Variants in VWA8 observed in about 807,000 individuals in gnomAD.
The protein encoded by VWA8 is von Willebrand factor A domain-containing protein 8.
A neutral mutation model predicts 241.5 loss-of-function variants in VWA8; 221 were observed. That is an observed-to-expected ratio of 0.91 (90% CI 0.82 to 1.02). VWA8 has a LOEUF of 1.02. VWA8 is among the 50% of genes least tolerant of loss of function. The probability of loss-of-function intolerance (pLI) is 0.00; values close to 1 mark genes in which losing one functional copy is unlikely to be tolerated. For missense variants in VWA8, 2,322 were observed against 2,328.7 expected, an observed-to-expected ratio of 1.00 and a Z score of 0.06; for synonymous variants, 852 against 827.1, an observed-to-expected ratio of 1.03 and a Z score of -0.52.
intron 26 of VWA8, among the ~76,000 whole-genome samples, chr13:41,711,109 A>C (rs1825800896): frequency 6.6e-6 from 1 of 152,206 alleles, no homozygotes; most frequent in South Asian, 2.1e-4. Context: ...CACAAATGAA[A>C]ACACAATCTC....
intron 5 of VWA8, 73 bp downstream of exon 5, chr13:41,891,347 T>C (rs1874831167): frequency 4.5e-6 from 7 of 1,563,746 alleles, no homozygotes; most frequent in Middle Eastern, 1.7e-4. Context: ...AACAGAGCCA[T>C]GTCTTACACA....
chr13:41,813,170 A>T (rs949872833), intron 16 of VWA8, among the ~76,000 whole-genome samples: 10 of 152,188 alleles, frequency 6.6e-5, no homozygotes, highest in Admixed American at 3.3e-4. Context: ...TAAAGTCGTA[A>T]CATGATTTTC....
intron 16 of VWA8, among the ~76,000 whole-genome samples, chr13:41,815,711 C>T (rs1018693140): frequency 2.6e-5 from 4 of 152,158 alleles, no homozygotes; most frequent in Non-Finnish European, 5.9e-5. Context: ...AAATAAATTT[C>T]TATTATCTTA....
At chr13:41,906,429 T>C (rs1875722193) in intron 4 of VWA8, among the ~76,000 whole-genome samples, 2 of 152,146 alleles carry the variant, frequency 1.3e-5, no homozygotes, top group African/African-American at 4.8e-5. Flanking sequence ...TTTCTTGTCT[T>C]CTTTTTACCA....
chr13:41,939,870 T>C (rs189207495), intron 2 of VWA8, among the ~76,000 whole-genome samples: 32 of 152,342 alleles, frequency 2.1e-4, no homozygotes, highest in African/African-American at 7.2e-4. Context: ...TGTAAGATAA[T>C]AGTGATTCTC....
intron 9 of VWA8, among the ~76,000 whole-genome samples, chr13:41,871,308 T>A (rs1319709557): frequency 6.6e-6 from 1 of 152,224 alleles, no homozygotes; most frequent in Non-Finnish European, 1.5e-5. Flanking sequence ...TTTATTTTTT[T>A]AAATTTATTA....
At chr13:41,738,760 C>T (rs1229095704) in intron 21 of VWA8, among the ~76,000 whole-genome samples, 2 of 152,076 alleles carry the variant, frequency 1.3e-5, no homozygotes, top group South Asian at 2.1e-4. Flanking sequence ...AGACAGTGTG[C>T]AGGTCCCTTA....
At chr13:41,812,928 G>T (rs1870536000) in intron 16 of VWA8, among the ~76,000 whole-genome samples, 2 of 152,100 alleles carry the variant, frequency 1.3e-5, no homozygotes, top group South Asian at 4.1e-4. Flanking sequence ...TAAAATAAGT[G>T]GAACAGTAGA....
At chr13:41,685,285 T>C (rs1593696018) in intron 34 of VWA8, 43 bp from the exon 35 acceptor site, 1 of 1,558,416 alleles carries the variant, frequency 6.4e-7, no homozygotes, top group Non-Finnish European at 8.7e-7. Context: ...TACCATATAC[T>C]ACATTCACCA....
At chr13:41,617,211 C>G (rs1307694371) in intron 37 of VWA8, among the ~76,000 whole-genome samples, 1 of 152,054 alleles carries the variant, frequency 6.6e-6, no homozygotes, top group Non-Finnish European at 1.5e-5. Context: ...CTCCACCTTC[C>G]AGGTTCAAAC....
chr13:41,790,939 C>G (rs1359241997), intron 17 of VWA8, among the ~76,000 whole-genome samples: 1 of 150,954 alleles, frequency 6.6e-6, no homozygotes. Context: ...ATTACATTAA[C>G]AAAAAAAAGC....
At position 41,865,806 on chromosome 13, in the gene VWA8, C is replaced by T; in HGVS notation, c.1355G>A (p.Gly452Glu). Residue 452 changes from glycine (G) to glutamate (E), a missense_variant, in exon 12 of 45, where the codon GGA (glycine) becomes GAA (glutamate). Transcript: ENST00000379310. ...AAAGTTCTTAGCGATCACTGTTTTT[C>T]CACAACCCTACAAATGGAAAAAATT... is the stretch of plus-strand genomic sequence containing the variant. Reference protein sequence around the residue: ...DICLIGGKGCGKTVIAKNFAD... With the variant: ...DICLIGGKGCEKTVIAKNFAD... 1 of 1,614,088 alleles carries T rather than the reference C, an allele frequency of 6.2e-7. No homozygotes were observed. Among genetic ancestry groups the T allele is most frequent in the Non-Finnish European group, 8.5e-7 (1 of 1,180,012 alleles).
intron 43 of VWA8, among the ~76,000 whole-genome samples, chr13:41,573,778 C>T (rs914643218): frequency 3.3e-5 from 5 of 151,232 alleles, no homozygotes; most frequent in East Asian, 2.0e-4. Context: ...CCACCATGCC[C>T]AGCTAATTTT....
At chr13:41,709,071 T>C (rs183137716) in intron 26 of VWA8, among the ~76,000 whole-genome samples, 2 of 152,354 alleles carry the variant, frequency 1.3e-5, no homozygotes, top group Admixed American at 6.5e-5. Context: ...ACTGAAACTC[T>C]CCCAGTTGTT....
intron 24 of VWA8, among the ~76,000 whole-genome samples, chr13:41,725,509 G>A (rs2045425722): frequency 3.3e-5 from 5 of 152,198 alleles, no homozygotes; most frequent in Admixed American, 3.3e-4. Flanking sequence ...AGGCCAGAGA[G>A]TGGGAAGGGT....
At chr13:41,862,466 G>A (rs931887801) in intron 12 of VWA8, among the ~76,000 whole-genome samples, 1 of 152,154 alleles carries the variant, frequency 6.6e-6, no homozygotes, top group Non-Finnish European at 1.5e-5. Context: ...AAACCAAAAA[G>A]CTTCTGTACA....
chr13:41,745,558 G>A (rs1054878223), intron 21 of VWA8, among the ~76,000 whole-genome samples: 1 of 152,210 alleles, frequency 6.6e-6, no homozygotes, highest in Non-Finnish European at 1.5e-5. Context: ...GATATGAACA[G>A]ACACTTCTCA....
chr13:41,901,129 T>TA (rs58092544), intron 4 of VWA8, among the ~76,000 whole-genome samples: 12 of 149,324 alleles, frequency 8.0e-5, no homozygotes, highest in Admixed American at 2.7e-4. Context: ...TTTTTTTTTT[T>TA]ACAAGCAGAG....
At chr13:41,866,741 C>T (rs1161196875) in intron 10 of VWA8, among the ~76,000 whole-genome samples, 1 of 152,086 alleles carries the variant, frequency 6.6e-6, no homozygotes, top group Non-Finnish European at 1.5e-5. Flanking sequence ...GTTGTAAGCA[C>T]AGAATTTAAT....
Sources: gnomAD v4.1 joint callset for allele counts (sites outside exome capture counted in the v4.1 genomes callset) on GRCh38, gnomAD v4.1.1 for gene constraint, MANE v1.5 for transcripts, NCBI Gene and HGNC (gene_info 2026-07-23, HGNC 2026-07-21) for gene names.